ST7: variants seen among roughly 807,000 people sequenced by gnomAD.
The protein encoded by ST7 is suppression of tumorigenicity 7, also known as suppressor of tumorigenicity 7 protein.
Under a neutral mutation model 78.7 loss-of-function variants are expected in ST7, and 28 were observed. The ratio of observed to expected loss-of-function variants is 0.36; its 90% confidence interval spans 0.26 to 0.49. The LOEUF (loss-of-function observed/expected upper bound fraction) is 0.49. Among genes scored for constraint, ST7 ranks in the 20% least tolerant of loss-of-function variants. The probability of loss-of-function intolerance (pLI) is 0.99; values close to 1 mark genes in which losing one functional copy is unlikely to be tolerated. For synonymous variants in ST7, 247 were observed against 249.6 expected, an observed-to-expected ratio of 0.99 and a Z score of 0.10; for missense variants, 418 against 696.0, an observed-to-expected ratio of 0.60 and a Z score of 4.49.
chr7:116,993,984 CT>C (rs1299697259), intron 1 of ST7, among the ~76,000 whole-genome samples: 15 of 152,174 alleles, frequency 9.9e-5, no homozygotes, highest in Non-Finnish European at 2.1e-4. Flanking sequence ...TCTTAGTTTT[CT>C]TTTTAAAATT....
At position 117,170,867 on chromosome 7, in the gene ST7, G is replaced by A; in HGVS notation, c.969G>A (p.Met323Ile). 1 of 1,587,156 alleles carries A rather than the reference G, an allele frequency of 6.3e-7. No homozygotes were observed. The highest frequency in any genetic ancestry group is 8.6e-7 in the Non-Finnish European group (1 of 1,165,174). ...REAVKMMRDLMKEFPLLSMFN... is the reference protein window; with the variant it reads ...REAVKMMRDLIKEFPLLSMFN... ...CTTGGTTTCTTCTGCCCTAGTTAAT[G>A]AAGGAGTTCCCCCTTCTGAGTATGT... is the stretch of plus-strand genomic sequence containing the variant. The change falls in exon 10 of 16, where the codon ATG (methionine) becomes ATA (isoleucine). Residue 323 changes from methionine (M) to isoleucine (I), a missense_variant. By Grantham distance (10) the Met-to-Ile change is conservative. Coordinates refer to ENST00000323984, the MANE Select transcript of ST7 (RefSeq NM_001369598.1).
chr7:117,129,351 C>G (rs1804143135), intron 3 of ST7, among the ~76,000 whole-genome samples: 1 of 151,850 alleles, frequency 6.6e-6, no homozygotes, highest in Non-Finnish European at 1.5e-5. Context: ...CAAATTAAGA[C>G]TATAAGGCTG....
chr7:117,021,109 G>A (rs11521024), intron 1 of ST7, among the ~76,000 whole-genome samples: 151,551 of 152,336 alleles, frequency 0.99, 75,389 homozygotes, highest in Middle Eastern at 1. Context: ...TTCAGAATGA[G>A]TAAGAAATCG....
intron 1 of ST7, among the ~76,000 whole-genome samples, chr7:116,986,512 G>A (rs756059503): frequency 6.6e-6 from 1 of 152,168 alleles, no homozygotes; most frequent in Non-Finnish European, 1.5e-5. Flanking sequence ...GAATGCCACT[G>A]TAAGAATAAA....
At chr7:117,129,950 A>G (rs1804200894) in intron 4 of ST7, 103 bp downstream of exon 4, 2 of 787,786 alleles carry the variant, frequency 2.5e-6, no homozygotes, top group South Asian at 1.7e-5. Context: ...GTAACAGTCT[A>G]TGTAGTGCGT....
intron 2 of ST7, among the ~76,000 whole-genome samples, chr7:117,105,834 A>G (rs1200256378): frequency 6.6e-6 from 1 of 152,252 alleles, no homozygotes; most frequent in Admixed American, 6.5e-5. Context: ...GAAAATATGT[A>G]CAGCTATTAT....
At chr7:116,972,936 A>G in intron 1 of ST7, 1 of 1,252,576 alleles carries the variant, frequency 8.0e-7, no homozygotes, top group Non-Finnish European at 1.1e-6. Context: ...TACTGCTCGC[A>G]CTCCGATTCC....
At position 117,190,952 on chromosome 7, in the gene ST7, C is replaced by T; in HGVS notation, c.1254+16C>T. ...TGTGCCAAAAGTGAGTCTGTGGAAT[C>T]CCCACAGGAACTCGTTATGATAGCA... On this transcript the variant is annotated intron_variant, in intron 12 of 15. Coordinates refer to ENST00000323984, the MANE Select transcript of ST7 (RefSeq NM_001369598.1). This position sits in a 1 kb window ranked among gnomAD's most constrained non-coding sequence, Gnocchi z 5.2. 1 of 1,581,516 alleles carries T rather than the reference C, an allele frequency of 6.3e-7. No individual in the cohort carries two copies. Among genetic ancestry groups the T allele is most frequent in the African/African-American group, 1.3e-5 (1 of 74,378 alleles).
chr7:117,227,560 C>T (rs533562911), intron 15 of ST7, among the ~76,000 whole-genome samples: 23 of 152,252 alleles, frequency 1.5e-4, no homozygotes, highest in Admixed American at 3.3e-4. Context: ...TATACATATA[C>T]GCAGACATAT....
intron 2 of ST7, chr7:117,118,471 A>G (rs1281582423): frequency 6.6e-6 from 1 of 152,244 alleles, no homozygotes; most frequent in African/African-American, 2.4e-5. Context: ...AGAACAAAAC[A>G]GGGAAAACAT....
chr7:117,124,165 T>G (rs2116974726), intron 3 of ST7, among the ~76,000 whole-genome samples: 1 of 152,242 alleles, frequency 6.6e-6, no homozygotes, highest in South Asian at 2.1e-4. Flanking sequence ...AAAAATATAT[T>G]CAAGACCTTC....
rs551234163 is a variant in ST7, at chr7:116,992,709, T to A, written c.151+39018T>A. Among the ~76,000 whole-genome samples the A allele has an allele frequency of 4.9e-4, 75 of 152,332 alleles. 4 individuals carry two copies. The South Asian group carries it at 0.012, about 25-fold the overall frequency. ...TGCAAATATCTGCAGTTGGCTTGAA[T>A]TTCTCCTCAGAAAATGGGATTTTCT... is the stretch of plus-strand genomic sequence containing the variant. On this transcript the variant is annotated intron_variant, in intron 1 of 15. Coordinates refer to ENST00000323984, the MANE Select transcript of ST7 (RefSeq NM_001369598.1).
chr7:117,204,445 C>A (rs1791543220), intron 12 of ST7, among the ~76,000 whole-genome samples: 1 of 152,080 alleles, frequency 6.6e-6, no homozygotes. Context: ...AACAGTAGAG[C>A]CAGGATTCCA....
At chr7:117,186,582 G>A (rs190737626) in intron 10 of ST7, among the ~76,000 whole-genome samples, 11 of 152,254 alleles carry the variant, frequency 7.2e-5, no homozygotes, top group Non-Finnish European at 1.3e-4. Flanking sequence ...AGTTGACTGT[G>A]GACAACTGAA....
intron 2 of ST7, among the ~76,000 whole-genome samples, chr7:117,107,603 CTTTTTTTTTTTT>C (rs71528121): frequency 8.2e-5 from 6 of 73,582 alleles, no homozygotes; most frequent in Non-Finnish European, 1.3e-4. Context: ...TAGCCCACTT[CTTTTTTTTTTTT>C]TTTTTTTTTT....
intron 1 of ST7, among the ~76,000 whole-genome samples, chr7:116,989,693 G>A (rs1259096576): frequency 6.6e-6 from 1 of 151,806 alleles, no homozygotes; most frequent in East Asian, 1.9e-4. Flanking sequence ...TTTTTAATTA[G>A]CTGGGCATGG....
rs183784690 is a variant in ST7 at position 116,983,344 on chromosome 7, T to A, written c.151+29653T>A. On this transcript the variant is annotated intron_variant, in intron 1 of 15. Coordinates refer to ENST00000323984, the MANE Select transcript of ST7 (RefSeq NM_001369598.1). ...AAAATCAGAAATGTGGGTCCCATTA[T>A]CCTTAATATATTTACTTATTTGCTT... is the stretch of plus-strand genomic sequence containing the variant. Among the ~76,000 whole-genome samples, 14 of 152,350 alleles carry A rather than the reference T, an allele frequency of 9.2e-5. No homozygotes were observed. In the East Asian group the frequency reaches 2.5e-3, roughly 27 times the overall value.
chr7:117,144,102 AAACT>A (rs1302280557), intron 9 of ST7: 1 of 152,176 alleles, frequency 6.6e-6, no homozygotes, highest in Admixed American at 6.5e-5. Flanking sequence ...ATTTTTGTGA[AAACT>A]AACTATATTG....
At chr7:117,117,790 G>C (rs117217878) in intron 2 of ST7, 1 of 152,114 alleles carries the variant, frequency 6.6e-6, no homozygotes, top group African/African-American at 2.4e-5. Context: ...AGCAGGCACC[G>C]ACTTAGGTGT....
Sources: gnomAD v4.1 joint callset for allele counts (sites outside exome capture counted in the v4.1 genomes callset) on GRCh38, gnomAD v4.1.1 for gene constraint, Gnocchi (gnomAD v3.1) non-coding constraint, MANE v1.5 for transcripts, NCBI Gene and HGNC (gene_info 2026-07-23, HGNC 2026-07-21) for gene names.